The following FNDC7 variants were observed in gnomAD, a reference collection of about 807,000 sequenced individuals.
FNDC7 encodes fibronectin type III domain containing 7.
Under a neutral mutation model 74.2 loss-of-function variants are expected in FNDC7, and 66 were observed. The ratio of observed to expected loss-of-function variants is 0.89; its 90% CI spans 0.73 to 1.09. The LOEUF (loss-of-function observed/expected upper bound fraction) is 1.09, where lower values mean the gene tolerates loss of function less well. FNDC7 is among the 50% of genes least tolerant of loss of function. The pLI is 0.00. For missense variants in FNDC7, 829 were observed against 893.4 expected (o/e 0.93, Z 0.92); for synonymous variants, 307 against 330.2 (o/e 0.93, Z 0.76).
chr1:108,716,120 A>G (rs1045877205), intron 2 of FNDC7, among the ~76,000 whole-genome samples: 1 of 152,172 alleles, frequency 6.6e-6, no homozygotes, highest in Non-Finnish European at 1.5e-5. Flanking sequence ...CCGTGAATGC[A>G]TGATCCGGCC....
Position 108,741,820 on chromosome 1 carries a change from A to T in FNDC7, c.*16A>T, listed in dbSNP as rs775172847. ...TGAAGAATGACAAAGTGAGCCCCAGATAAAAACAAAAACTTGACCAAGTGA... is the reference window on the plus strand; with the variant it reads ...TGAAGAATGACAAAGTGAGCCCCAGTTAAAAACAAAAACTTGACCAAGTGA... On this transcript the variant is annotated 3_prime_UTR_variant, in exon 12 of 13. Coordinates refer to ENST00000370017, the MANE Select transcript of FNDC7 (RefSeq NM_001144937.3). 96 of 1,613,324 alleles carry T rather than the reference A, an allele frequency of 6.0e-5. No individual in the cohort carries two copies. Among genetic ancestry groups the T allele is most frequent in the Non-Finnish European group, 5.8e-5 (69 of 1,179,728 alleles).
At position 108,715,657 on chromosome 1, in the gene FNDC7, G is replaced by C. The variant is rs886230317; in HGVS notation, c.83-2120G>C. Among the ~76,000 whole-genome samples, 4 of 78,578 alleles carry C rather than the reference G, an allele frequency of 5.1e-5. No homozygotes were observed. The Admixed American group carries it at 8.6e-4, about 17-fold the overall frequency. The allele number at this position is 78,578 out of a possible 152,430, so 51.6% of individuals were successfully genotyped here. ...TCTTGGCTCATACACAAACATGCGC[G>C]TGCGTGCGCGCGCGCACACACACAC... On this transcript the variant is annotated intron_variant, in intron 2 of 12. Coordinates refer to ENST00000370017, the MANE Select transcript of FNDC7 (RefSeq NM_001144937.3).
At chr1:108,728,538 T>C in intron 7 of FNDC7, 94 bp from the exon 8 acceptor site, 1 of 1,463,974 alleles carries the variant, frequency 6.8e-7, no homozygotes, top group Non-Finnish European at 9.4e-7. Context: ...AAAACTGTGA[T>C]GATCTCACTG....
intron 10 of FNDC7, among the ~76,000 whole-genome samples, chr1:108,736,175 C>A (rs1661510131): frequency 6.6e-6 from 1 of 152,192 alleles, no homozygotes; most frequent in South Asian, 2.1e-4. Context: ...CTAGTCTAGG[C>A]ATCTGGCATC....
At position 108,741,945 on chromosome 1, in the gene FNDC7, AT is replaced by A; in HGVS notation, c.*60del. The stretch of plus-strand genomic sequence containing the variant: ...TGCAGAGTTGTCTCATTTGTTAGTG[AT>A]TAGAGATGGAAAAGATCTACTAGAA... On this transcript the variant is annotated 3_prime_UTR_variant, in exon 13 of 13. Coordinates refer to ENST00000370017, the MANE Select transcript of FNDC7 (RefSeq NM_001144937.3). 1 of 829,610 alleles carries A rather than the reference AT, an allele frequency of 1.2e-6. No homozygotes were observed. The highest frequency in any genetic ancestry group is 1.9e-6 in the Non-Finnish European group (1 of 514,236). 51.4% of individuals were successfully genotyped at this position (829,610 alleles called of 1,614,324 possible). A position where few individuals can be genotyped will look rare whatever the true frequency, so the allele number is the denominator to read the frequency against.
At chr1:108,718,643 C>T in intron 3 of FNDC7, 146 bp from the exon 4 acceptor site, 1 of 834,972 alleles carries the variant, frequency 1.2e-6, no homozygotes, top group South Asian at 1.9e-5. Context: ...ACTTAAATAG[C>T]AATTATTTAA....
chr1:108,719,765 AG>A lies in FNDC7; in HGVS notation c.598+717del, dbSNP rs1402026052. 1.2e-3 allele frequency among the ~76,000 whole-genome samples: 185 copies of A among 152,102 alleles called. 1 individual carries two copies. Among genetic ancestry groups the A allele is most frequent in the African/African-American group, 4.2e-3 (174 of 41,488 alleles). On this transcript the variant is annotated intron_variant, in intron 4 of 12. Transcript: ENST00000370017. ...GCGAATGAGAGAGAGAGAGAGAGAG[AG>A]AGAGAGAGAGAACGAGAGGGGGTGT...
At chr1:108,731,985 C>A (rs941494006) in intron 9 of FNDC7, among the ~76,000 whole-genome samples, 15 of 152,172 alleles carry the variant, frequency 9.9e-5, no homozygotes, top group African/African-American at 3.6e-4. Flanking sequence ...GGATCTTTAA[C>A]TTAGTTACTA....
At chr1:108,738,770 C>G (rs1392241225) in intron 11 of FNDC7, among the ~76,000 whole-genome samples, 1 of 152,126 alleles carries the variant, frequency 6.6e-6, no homozygotes, top group Non-Finnish European at 1.5e-5. Context: ...AGGTTACACA[C>G]TTTTCAATTC....
intron 10 of FNDC7, 122 bp from the exon 11 acceptor site, chr1:108,737,373 C>A: frequency 2.7e-6 from 2 of 752,360 alleles, no homozygotes; most frequent in Non-Finnish European, 4.3e-6. Flanking sequence ...TCTTATCACC[C>A]AAGTTCGTTC....
intron 11 of FNDC7, 93 bp from the exon 12 acceptor site, chr1:108,741,680 C>T (rs768857938): frequency 6.2e-6 from 8 of 1,285,128 alleles, no homozygotes; most frequent in East Asian, 4.6e-5. Flanking sequence ...TTCAAATCAA[C>T]ATACACATAA....
intron 9 of FNDC7, among the ~76,000 whole-genome samples, chr1:108,732,210 A>G (rs1553193462): frequency 6.6e-6 from 1 of 151,990 alleles, no homozygotes; most frequent in Non-Finnish European, 1.5e-5. Flanking sequence ...ATACAAAAAA[A>G]TAGCCAGGCG....
In FNDC7 at chr1:108,717,797, G is replaced by C. The variant is rs551668665; in HGVS notation, c.103G>C (p.Asp35His). The C allele has an allele frequency of 1.7e-5, 26 of 1,551,648 alleles. No individual in the cohort carries two copies. In the African/African-American group the frequency reaches 3.3e-4, roughly 20 times the overall value. The change falls in exon 3 of 13, where the codon GAT becomes CAT. Residue 35 changes from aspartate (D) to histidine (H), a missense_variant. Physicochemically the swap from Asp to His is moderately conservative, Grantham distance 81. Transcript: ENST00000370017. ...AKSAPEIPTI[D>H]QAYSKLSNSI... ...TTCAGCTCCTGAAATACCCACTATT[G>C]ATCAGGCATATTCAAAACTCAGCAA... is the stretch of plus-strand genomic sequence containing the variant.
intron 2 of FNDC7, among the ~76,000 whole-genome samples, chr1:108,715,913 C>T (rs1191579777): frequency 6.6e-6 from 1 of 152,088 alleles, no homozygotes; most frequent in Admixed American, 6.5e-5. Context: ...TGAATCCAAA[C>T]CCTTTGCTAT....
chr1:108,719,745 T>TGAGAGAGA (rs67387432), intron 4 of FNDC7, among the ~76,000 whole-genome samples: 2 of 148,330 alleles, frequency 1.3e-5, no homozygotes, highest in African/African-American at 2.5e-5. Context: ...GCCAAGCGAA[T>TGAGAGAGA]GAGAGAGAGA....
chr1:108,721,358 A>T (rs1661088470), intron 4 of FNDC7, among the ~76,000 whole-genome samples: 1 of 152,050 alleles, frequency 6.6e-6, no homozygotes, highest in African/African-American at 2.4e-5. Flanking sequence ...AGTCCCAGCT[A>T]CTCAGGAGGC....
intron 11 of FNDC7, among the ~76,000 whole-genome samples, chr1:108,741,228 G>A (rs867985456): frequency 2.0e-5 from 3 of 152,264 alleles, no homozygotes; most frequent in Middle Eastern, 3.4e-3. Context: ...AAACCTATTT[G>A]AGGTGATAGC....
Position 108,718,880 on chromosome 1 carries a change from C to T in FNDC7, c.429C>T (p.Ser143=), listed in dbSNP as rs61739598. 3,094 of 1,551,618 alleles carry T rather than the reference C, an allele frequency of 2.0e-3. 5 individuals carry two copies. The highest frequency in any genetic ancestry group is 2.5e-3 in the Non-Finnish European group (2,860 of 1,146,990). The change falls in exon 4 of 13, where the codon TCC becomes TCT. Residue 143 remains serine (S), a synonymous_variant. Coordinates refer to ENST00000370017, the MANE Select transcript of FNDC7 (RefSeq NM_001144937.3). ...WEAVYMAIAF[S]VSIMRANGLG... is the part of the protein sequence containing the mutation. ...CTGTATATATGGCAATTGCATTCTC[C>T]GTGTCCATTATGCGAGCCAATGGCT... is the stretch of plus-strand genomic sequence containing the variant.
At chr1:108,713,490 T>A in intron 1 of FNDC7, 21 bp from the exon 2 acceptor site, 4 of 1,549,468 alleles carry the variant, frequency 2.6e-6, no homozygotes, top group Non-Finnish European at 2.6e-6. Context: ...TGGTTCTAAT[T>A]TTCCAAACTT....
Sources: gnomAD v4.1 joint callset for allele counts (sites outside exome capture counted in the v4.1 genomes callset) on GRCh38, gnomAD v4.1.1 for gene constraint, MANE v1.5 for transcripts, NCBI Gene and HGNC (gene_info 2026-07-23, HGNC 2026-07-21) for gene names.